ZFHX3: variants seen among roughly 807,000 people sequenced by gnomAD.
ZFHX3 encodes zinc finger homeobox 3.
ZFHX3 carries 42 observed loss-of-function variants against 279.1 expected under a neutral mutation model. The ratio of observed to expected loss-of-function variants is 0.15; its 90% CI spans 0.12 to 0.19. ZFHX3 has a LOEUF of 0.19. Among genes scored for constraint, ZFHX3 ranks in the 10% least tolerant of loss-of-function variants. The pLI is 1.00. For missense variants in ZFHX3, 4,981 were observed against 4,754.0 expected (o/e 1.05, Z -1.40); for synonymous variants, 2,293 against 1,957.8 (o/e 1.17, Z -4.52).
intron 5 of ZFHX3, among the ~76,000 whole-genome samples, chr16:73,191,841 G>C (rs914551418): frequency 1.1e-4 from 17 of 152,178 alleles, no homozygotes; most frequent in Admixed American, 9.8e-4. Flanking sequence ...TGGCCTCTCT[G>C]GCTTGTAGCC....
intron 1 of ZFHX3, among the ~76,000 whole-genome samples, chr16:73,866,673 TC>T (rs1962030419): frequency 6.6e-6 from 1 of 152,236 alleles, no homozygotes; most frequent in Non-Finnish European, 1.5e-5. Flanking sequence ...AGTTAATTCT[TC>T]CTTTAGTAAT....
chr16:73,110,925 CATTTTATG>C (rs1368192017), intron 7 of ZFHX3, among the ~76,000 whole-genome samples: 8 of 151,862 alleles, frequency 5.3e-5, no homozygotes, highest in East Asian at 3.9e-4. Context: ...AGTAAGGATG[CATTTTATG>C]ATTTTATGAT....
chr16:72,964,536 C>A (rs1294946046), intron 1 of ZFHX3, among the ~76,000 whole-genome samples: 1 of 151,956 alleles, frequency 6.6e-6, no homozygotes, highest in Admixed American at 6.6e-5. Flanking sequence ...GCCTTTATTT[C>A]CCAAAGCTCT....
chr16:73,808,804 AT>A (rs1387099739), intron 1 of ZFHX3, among the ~76,000 whole-genome samples: 1 of 152,232 alleles, frequency 6.6e-6, no homozygotes, highest in Non-Finnish European at 1.5e-5. Flanking sequence ...AAGGGAGCAT[AT>A]AGTATGCAGA....
Position 73,437,671 on chromosome 16 carries a change from T to C in ZFHX3, c.-1291+18332A>G, listed in dbSNP as rs188108819. The stretch of plus-strand genomic sequence containing the variant: ...ATTCCAAATAGTCAAAATTACTATA[T>C]ATAATTTCTACATAAATGACATAAT... On this transcript the variant is annotated intron_variant, in intron 3 of 17. Coordinates refer to the ZFHX3 transcript ENST00000641206. 1.8e-3 allele frequency among the ~76,000 whole-genome samples: 280 copies of C among 152,312 alleles called. 2 individuals are homozygous for C. The highest frequency in any genetic ancestry group is 6.4e-3 in the African/African-American group (268 of 41,570).
intron 4 of ZFHX3, among the ~76,000 whole-genome samples, chr16:72,864,133 C>G (rs2037956207): frequency 6.6e-6 from 1 of 152,012 alleles, no homozygotes; most frequent in South Asian, 2.1e-4. Flanking sequence ...AAAAAAATTT[C>G]CTTCCCTGAC....
chr16:73,151,682 G>A (rs1401903198), intron 5 of ZFHX3, among the ~76,000 whole-genome samples: 1 of 152,086 alleles, frequency 6.6e-6, no homozygotes, highest in Non-Finnish European at 1.5e-5. Flanking sequence ...CCTACGTGTT[G>A]AGGTCTGACG....
rs140908169 is a variant in ZFHX3 at position 72,959,736 on chromosome 16, G to A, written c.410C>T (p.Pro137Leu). Residue 137 changes from proline (P) to leucine (L), a missense_variant, in exon 2 of 10, where the codon CCG becomes CTG. Physicochemically the swap from Pro to Leu is moderately conservative, Grantham distance 98. Transcript: ENST00000268489. The stretch of plus-strand genomic sequence containing the variant: ...CTCCACAATGTACGCGGAGCCGTCC[G>A]GCTGGTAGACGATCTCCCCGGCCAG... The part of the protein sequence containing the change: ...ENLAGEIVYQ[P>L]DGSAYIVESL... 172 of 1,612,454 alleles carry A rather than the reference G, an allele frequency of 1.1e-4. No individual in the cohort carries two copies. Among genetic ancestry groups the A allele is most frequent in the Non-Finnish European group, 1.2e-4 (143 of 1,179,044 alleles).
intron 1 of ZFHX3, among the ~76,000 whole-genome samples, chr16:72,968,328 G>A (rs1961944492): frequency 6.6e-6 from 1 of 152,158 alleles, no homozygotes; most frequent in Non-Finnish European, 1.5e-5. Context: ...AAGAGACTAA[G>A]GAGACATGAC....
intron 5 of ZFHX3, among the ~76,000 whole-genome samples, chr16:73,230,263 A>G (rs939094742): frequency 1.3e-5 from 2 of 152,248 alleles, no homozygotes; most frequent in African/African-American, 4.8e-5. Context: ...ATGCAAGGGT[A>G]TGACAATATT....
chr16:73,063,589 T>C (rs955596897), upstream of ZFHX3, among the ~76,000 whole-genome samples: 3 of 152,220 alleles, frequency 2.0e-5, no homozygotes, highest in South Asian at 6.2e-4. Flanking sequence ...AGTGAGTAGC[T>C]GAGTCTGAGT....
At chr16:73,155,398 A>G (rs1033918090) in intron 5 of ZFHX3, among the ~76,000 whole-genome samples, 6 of 152,190 alleles carry the variant, frequency 3.9e-5, no homozygotes, top group Non-Finnish European at 7.4e-5. Context: ...TTGTTGCCCA[A>G]GAGGAAACAG....
At chr16:73,353,959 T>C (rs775715140) in intron 3 of ZFHX3, among the ~76,000 whole-genome samples, 3 of 152,180 alleles carry the variant, frequency 2.0e-5, no homozygotes, top group Non-Finnish European at 4.4e-5. Flanking sequence ...TTATTTAATA[T>C]TCATAATGAA....
chr16:73,687,011 AATATATATATATAT>A (rs58565282), intron 1 of ZFHX3, among the ~76,000 whole-genome samples: 821 of 53,180 alleles, frequency 0.015, 24 homozygotes, highest in African/African-American at 0.039. Flanking sequence ...TTTGCAGCTA[AATATATATATATAT>A]ATATATATAT....
intron 1 of ZFHX3, among the ~76,000 whole-genome samples, chr16:73,007,767 C>T (rs981800859): frequency 3.3e-5 from 5 of 152,010 alleles, no homozygotes; most frequent in African/African-American, 1.2e-4. Flanking sequence ...TTTTTTAATG[C>T]TCAGCTTCTT....
Position 72,786,838 on chromosome 16 carries a change from G to C in ZFHX3, c.*326C>G, listed in dbSNP as rs2035397928. The C allele has an allele frequency of 6.1e-6, 1 of 162,684 alleles. No individual in the cohort carries two copies. Among genetic ancestry groups the C allele is most frequent in the African/African-American group, 2.4e-5 (1 of 41,780 alleles). The allele number at this position is 162,684 out of a possible 1,614,324, so 10.1% of individuals were successfully genotyped here. ...TTATTGAAAAGGGGCAAATATACAA[G>C]GGGTTTAAGCTCCAAAGACATTAGG... On this transcript the variant is annotated 3_prime_UTR_variant, in exon 10 of 10. Transcript: ENST00000268489.
intron 2 of ZFHX3, among the ~76,000 whole-genome samples, chr16:73,652,260 C>T (rs1480520996): frequency 2.0e-5 from 3 of 152,092 alleles, no homozygotes; most frequent in Non-Finnish European, 4.4e-5. Context: ...CCACTCGTAC[C>T]AAGGAGAGAA....
chr16:73,325,928 A>ACACACACACACAC (rs1567451240), intron 3 of ZFHX3, among the ~76,000 whole-genome samples: 1 of 145,490 alleles, frequency 6.9e-6, no homozygotes, highest in Non-Finnish European at 1.5e-5. Context: ...CACACACACA[A>ACACACACACACAC]ACACACACAC....
intron 3 of ZFHX3, among the ~76,000 whole-genome samples, chr16:73,397,958 C>T (rs2017163482): frequency 6.6e-6 from 1 of 152,160 alleles, no homozygotes; most frequent in Non-Finnish European, 1.5e-5. Flanking sequence ...GATCCTTCTG[C>T]CTCAGCCTCC....
Sources: gnomAD v4.1 joint callset for allele counts (sites outside exome capture counted in the v4.1 genomes callset) on GRCh38, gnomAD v4.1.1 for gene constraint, MANE v1.5 for transcripts, NCBI Gene and HGNC (gene_info 2026-07-23, HGNC 2026-07-21) for gene names.